Variants in PLEKHM1 observed in about 807,000 individuals in gnomAD.
PLEKHM1 encodes the protein pleckstrin homology domain-containing family M member 1.
PLEKHM1 carries 28 observed loss-of-function variants against 94.3 expected under a neutral mutation model. The observed-to-expected ratio is 0.30, with a 90% CI of 0.22 to 0.41. PLEKHM1 has a LOEUF of 0.41. PLEKHM1 is among the 10% of genes least tolerant of loss of function. The probability of loss-of-function intolerance (pLI) is 1.00; values close to 1 mark genes in which losing one functional copy is unlikely to be tolerated. For synonymous variants in PLEKHM1, 424 were observed against 581.2 expected, an observed-to-expected ratio of 0.73 and a Z score of 3.89; for missense variants, 907 against 1,358.6, an observed-to-expected ratio of 0.67 and a Z score of 5.22.
At chr17:45,442,073 G>A (rs1169719321) in intron 9 of PLEKHM1, among the ~76,000 whole-genome samples, 2 of 152,152 alleles carry the variant, frequency 1.3e-5, no homozygotes, top group Non-Finnish European at 2.9e-5. Flanking sequence ...GGACAATGAG[G>A]TCTGGTGGGT....
intron 2 of PLEKHM1, among the ~76,000 whole-genome samples, chr17:45,480,308 C>T (rs947923195): frequency 6.6e-6 from 1 of 152,050 alleles, no homozygotes; most frequent in African/African-American, 2.4e-5. Context: ...CATGGTGAAA[C>T]CCCCATCTCT....
intron 2 of PLEKHM1, among the ~76,000 whole-genome samples, chr17:45,480,519 CA>C (rs927895834): frequency 1.3e-5 from 2 of 151,442 alleles, no homozygotes; most frequent in Admixed American, 6.6e-5. Flanking sequence ...AAAAAACAAA[CA>C]AAAAAAACGA....
At chr17:45,440,345 G>T in intron 9 of PLEKHM1, 119 bp from the exon 10 acceptor site, 1 of 998,794 alleles carries the variant, frequency 1.0e-6, no homozygotes, top group Non-Finnish European at 1.6e-6. Context: ...CCTGGGCGGG[G>T]CAGGGGCTAG....
intron 11 of PLEKHM1, among the ~76,000 whole-genome samples, chr17:45,438,476 G>A (rs1567757971): frequency 2.0e-5 from 3 of 151,630 alleles, no homozygotes; most frequent in African/African-American, 7.3e-5. Context: ...AGCTTGCAGT[G>A]AGCCGAGACT....
chr17:45,435,073 G>C (rs55790407), downstream of PLEKHM1, among the ~76,000 whole-genome samples: 19,433 of 151,798 alleles, frequency 0.13, 1,591 homozygotes, highest in Middle Eastern at 0.22. Flanking sequence ...GGCAGCACCA[G>C]GTCACGTGCT....
At chr17:45,439,345 G>T in intron 11 of PLEKHM1, 132 bp downstream of exon 11, 1 of 1,030,022 alleles carries the variant, frequency 9.7e-7, no homozygotes, top group Non-Finnish European at 1.5e-6. Context: ...ACCACCCCTT[G>T]GCACAGCACA....
intron 9 of PLEKHM1, among the ~76,000 whole-genome samples, chr17:45,441,815 C>A (rs1567761598): frequency 6.6e-6 from 1 of 152,212 alleles, no homozygotes; most frequent in Non-Finnish European, 1.5e-5. Flanking sequence ...ATGAGGAGAA[C>A]CCTCTTTGTC....
At chr17:45,479,641 G>T (rs1378369296) in intron 2 of PLEKHM1, among the ~76,000 whole-genome samples, 2 of 152,130 alleles carry the variant, frequency 1.3e-5, no homozygotes, top group South Asian at 4.1e-4. Flanking sequence ...AGCCAAAATC[G>T]TGCCACTGCA....
chr17:45,488,831 C>T (rs2052213665), intron 1 of PLEKHM1, among the ~76,000 whole-genome samples: 1 of 151,984 alleles, frequency 6.6e-6, no homozygotes. Context: ...CCCAGCTACT[C>T]GGGAGGCTGA....
chr17:45,475,958 G>A, intron 3 of PLEKHM1: 1 of 605,774 alleles, frequency 1.7e-6, no homozygotes, highest in Non-Finnish European at 3.0e-6. Flanking sequence ...GACCAGCCTG[G>A]GCAACAGGAC....
At position 45,478,084 on chromosome 17, in the gene PLEKHM1, T is replaced by C. The variant is rs1567802667; in HGVS notation, c.112A>G (p.Thr38Ala). The change falls in exon 3 of 12, where the codon ACG becomes GCG. Residue 38 changes from threonine to alanine, a missense_variant. By Grantham distance (58) the Thr-to-Ala change is moderately conservative (BLOSUM62 0). This residue lies in a region of PLEKHM1 where 176 missense variants were observed against 306.0 expected (regional missense o/e 0.58). Coordinates refer to ENST00000430334, the MANE Select transcript of PLEKHM1 (RefSeq NM_014798.3). ...TCTCCGTCTTCACTAGTGACCACCG[T>C]GTCCAGGGACACGTACTGCTTCTGC... Reference protein sequence around the residue: ...ALQKQYVSLDTVVTSEDGDAN... With the variant: ...ALQKQYVSLDAVVTSEDGDAN... 1 of 1,614,204 alleles carries C rather than the reference T, an allele frequency of 6.2e-7. No individual in the cohort carries two copies. Among genetic ancestry groups the C allele is most frequent in the African/African-American group, 1.3e-5 (1 of 75,056 alleles).
rs1387827947 is a variant in PLEKHM1, at chr17:45,437,959, A to G, written c.3070T>C (p.Cys1024Arg). The G allele has an allele frequency of 6.2e-7, 1 of 1,613,076 alleles. No individual in the cohort carries two copies. The highest frequency in any genetic ancestry group is 1.3e-5 in the African/African-American group (1 of 74,926). ...EFDTTVRCAE[C>R]KTVFHQSCQA... Reference sequence around the variant, plus strand: ...CAGCTCTGGTGGAAGACGGTCTTGCACTCGGCACACCTGGGGAGAGAGCAG... The same window carrying G: ...CAGCTCTGGTGGAAGACGGTCTTGCGCTCGGCACACCTGGGGAGAGAGCAG... The change falls in exon 12 of 12, where the codon TGC (cysteine) becomes CGC (arginine). Residue 1024 changes from cysteine to arginine, a missense_variant. By Grantham distance (180) the Cys-to-Arg change is radical (BLOSUM62 -3). Transcript: ENST00000430334. The surrounding 1 kb of genome is among the most constrained non-coding windows in gnomAD (Gnocchi z 4.0).
chr17:45,486,983 C>T (rs1197470829), intron 1 of PLEKHM1, among the ~76,000 whole-genome samples: 1 of 152,124 alleles, frequency 6.6e-6, no homozygotes, highest in Non-Finnish European at 1.5e-5. Context: ...CACTTTCTGT[C>T]CTCAAAACGC....
rs760085571 is a variant in PLEKHM1, at chr17:45,439,596, C to T, written c.2940G>A (p.Leu980=). The change falls in exon 11 of 12, where the codon CTG becomes CTA. Residue 980 remains leucine (L), a synonymous_variant. Transcript: ENST00000430334. Reference sequence around the variant, plus strand: ...AGACATGCTGGGAGGCAAATTCAATCAGGGCCTTGAGGAATCCTTCATACA... The same window carrying T: ...AGACATGCTGGGAGGCAAATTCAATTAGGGCCTTGAGGAATCCTTCATACA... The part of the protein sequence containing the change: ...DGVYEGFLKA[L]IEFASQHVYH... 23 of 1,614,072 alleles carry T rather than the reference C, an allele frequency of 1.4e-5. No individual in the cohort carries two copies. The Admixed American group carries it at 3.7e-4, about 26-fold the overall frequency.
At chr17:45,440,431 T>C in intron 9 of PLEKHM1, 1 of 641,362 alleles carries the variant, frequency 1.6e-6, no homozygotes. Context: ...CTTGGGCACG[T>C]TACTTAACCT....
At chr17:45,463,004 C>A (rs2051198666) in intron 5 of PLEKHM1, among the ~76,000 whole-genome samples, 1 of 149,818 alleles carries the variant, frequency 6.7e-6, no homozygotes, top group Admixed American at 6.7e-5. Flanking sequence ...ATTGCTTGAG[C>A]CTTGGAGGCA....
chr17:45,442,605 A>T (rs994424777), intron 9 of PLEKHM1, among the ~76,000 whole-genome samples: 1 of 152,116 alleles, frequency 6.6e-6, no homozygotes, highest in South Asian at 2.1e-4. Flanking sequence ...GGGTTTCACT[A>T]TGTTGGCCAG....
chr17:45,464,276 T>C (rs1267270578), intron 5 of PLEKHM1, among the ~76,000 whole-genome samples: 2 of 152,206 alleles, frequency 1.3e-5, no homozygotes, highest in Non-Finnish European at 2.9e-5. Context: ...GTCTGTCCTG[T>C]TGTATCACTC....
intron 4 of PLEKHM1, among the ~76,000 whole-genome samples, chr17:45,470,283 AAG>A (rs2051456029): frequency 2.0e-5 from 3 of 152,268 alleles, no homozygotes; most frequent in African/African-American, 4.8e-5. Context: ...CTTAGAAGGA[AAG>A]AGAGGTATAA....
Sources: gnomAD v4.1 joint callset for allele counts (sites outside exome capture counted in the v4.1 genomes callset) on GRCh38, gnomAD v4.1.1 for gene constraint, gnomAD v4.1.1 regional missense constraint, Gnocchi (gnomAD v3.1) non-coding constraint, MANE v1.5 for transcripts, NCBI Gene and HGNC (gene_info 2026-07-23, HGNC 2026-07-21) for gene names.